SMG6: variants seen among roughly 807,000 people sequenced by gnomAD.
SMG6 encodes SMG6 nonsense mediated mRNA decay factor.
Under a neutral mutation model 142.2 loss-of-function variants are expected in SMG6, and 66 were observed. That is an observed-to-expected ratio of 0.46 (90% CI 0.38 to 0.57). The LOEUF (loss-of-function observed/expected upper bound fraction) is 0.57, where lower values mean the gene tolerates loss of function less well. Among genes scored for constraint, SMG6 ranks in the 20% least tolerant of loss-of-function variants. The probability of loss-of-function intolerance (pLI) is 0.00; values close to 1 mark genes in which losing one functional copy is unlikely to be tolerated. For synonymous variants in SMG6, 779 were observed against 702.4 expected (o/e 1.11, Z -1.72); for missense variants, 1,793 against 1,832.0 (o/e 0.98, Z 0.39).
At chr17:2,199,544 AAAATAAATAAAAAT>A (rs2072445951) in intron 10 of SMG6, among the ~76,000 whole-genome samples, 1 of 150,996 alleles carries the variant, frequency 6.6e-6, no homozygotes, top group Non-Finnish European at 1.5e-5. Context: ...CTGTCTCAAA[AAAATAAATAAAAAT>A]AAATAAATAA....
At chr17:2,295,380 C>T (rs1023765937) in intron 4 of SMG6, among the ~76,000 whole-genome samples, 5 of 152,138 alleles carry the variant, frequency 3.3e-5, no homozygotes, top group Admixed American at 3.3e-4. Flanking sequence ...AACAAAAAAC[C>T]TTCTCTTAGA....
At chr17:2,135,081 T>C (rs2151557350) in intron 13 of SMG6, among the ~76,000 whole-genome samples, 1 of 152,292 alleles carries the variant, frequency 6.6e-6, no homozygotes, top group African/African-American at 2.4e-5. Flanking sequence ...AGTTTTGCCA[T>C]GTTGGCGAGG....
intron 4 of SMG6, 52 bp from the exon 5 acceptor site, chr17:2,293,029 C>T: frequency 7.9e-7 from 1 of 1,264,688 alleles, no homozygotes; most frequent in South Asian, 1.2e-5. Context: ...CTAACTTCAA[C>T]CCTCAAAGGA....
chr17:2,285,671 T>C (rs965656810), intron 6 of SMG6, among the ~76,000 whole-genome samples: 1 of 152,156 alleles, frequency 6.6e-6, no homozygotes, highest in African/African-American at 2.4e-5. Context: ...AGACCCTCTT[T>C]TCTTTTTTTT....
intron 8 of SMG6, among the ~76,000 whole-genome samples, chr17:2,253,343 C>T (rs2074091918): frequency 1.3e-5 from 2 of 152,136 alleles, no homozygotes; most frequent in South Asian, 4.2e-4. Flanking sequence ...TGGGGTTTCA[C>T]CGTGTTGACC....
At chr17:2,179,297 G>A (rs569468124) in intron 12 of SMG6, among the ~76,000 whole-genome samples, 9 of 152,298 alleles carry the variant, frequency 5.9e-5, no homozygotes, top group African/African-American at 2.2e-4. Context: ...CATATTAAGT[G>A]TCCTTGAAGG....
intron 13 of SMG6, among the ~76,000 whole-genome samples, chr17:2,120,087 C>A (rs998810057): frequency 6.6e-6 from 1 of 152,236 alleles, no homozygotes; most frequent in Non-Finnish European, 1.5e-5. Context: ...GGATTCCACG[C>A]GTGAGCCACC....
rs1482681475 is a variant in SMG6 at position 2,145,546 on chromosome 17, G to A, written c.3357+27112C>T. 4.1e-5 allele frequency among the ~76,000 whole-genome samples: 6 copies of A among 146,434 alleles called. No individual in the cohort carries two copies. In the South Asian group the frequency reaches 1.1e-3, roughly 27 times the overall value. On this transcript the variant is annotated intron_variant, in intron 13 of 18. Transcript: ENST00000263073. ...AAACCTCATGTAGGGTGGGCGCAGT[G>A]GCTCACACCTGTAATCCCAAAACTT...
intron 16 of SMG6, among the ~76,000 whole-genome samples, chr17:2,067,497 T>C (rs1310986694): frequency 1.3e-5 from 2 of 152,148 alleles, no homozygotes; most frequent in Non-Finnish European, 2.9e-5. Context: ...GAGAGACATA[T>C]GACCCGGCAA....
At chr17:2,094,751 T>G (rs528980654) in intron 13 of SMG6, 3 of 152,192 alleles carry the variant, frequency 2.0e-5, no homozygotes, top group Non-Finnish European at 4.4e-5. Context: ...AAAGTAGTGA[T>G]GAGAAGATCC....
chr17:2,159,023 C>T (rs1461964645), intron 13 of SMG6, among the ~76,000 whole-genome samples: 1 of 151,864 alleles, frequency 6.6e-6, no homozygotes, highest in Admixed American at 6.6e-5. Flanking sequence ...GAAAACACCC[C>T]AATGTTTAAA....
rs1370897283 is a variant in SMG6 at position 2,230,325 on chromosome 17, AAAAAAAAAAAAG to A, written c.2869+6155_2869+6166del. On this transcript the variant is annotated intron_variant, in intron 10 of 18. Transcript: ENST00000263073. ...CGGGGCAAAAAAAAAAAAAAAAAAAAAAAAAAAAAAAGGGAAAACCACAAACAATCAAATTGA... is the reference window on the plus strand; with the variant it reads ...CGGGGCAAAAAAAAAAAAAAAAAAAAGGAAAACCACAAACAATCAAATTGA... Among the ~76,000 whole-genome samples the A allele has an allele frequency of 8.8e-4, 104 of 118,806 alleles. 9 individuals carry two copies. The South Asian group carries it at 0.016, about 18-fold the overall frequency. The allele number at this position is 118,806 out of a possible 152,430, so 77.9% of individuals were successfully genotyped here.
At chr17:2,271,520 C>G (rs972049870) in intron 8 of SMG6, among the ~76,000 whole-genome samples, 9 of 151,794 alleles carry the variant, frequency 5.9e-5, no homozygotes, top group African/African-American at 2.2e-4. Flanking sequence ...TCGAGACCAG[C>G]CTGGCCAACA....
intron 13 of SMG6, among the ~76,000 whole-genome samples, chr17:2,107,951 A>G (rs1415419689): frequency 6.6e-6 from 1 of 152,106 alleles, no homozygotes; most frequent in Non-Finnish European, 1.5e-5. Flanking sequence ...TTAGAGTTCT[A>G]TTTCTGGGAG....
At chr17:2,103,077 G>A (rs1597387945) in intron 13 of SMG6, among the ~76,000 whole-genome samples, 1 of 152,292 alleles carries the variant, frequency 6.6e-6, no homozygotes, top group South Asian at 2.1e-4. Flanking sequence ...TGGTTATTGT[G>A]ACTAATGCTG....
chr17:2,181,524 G>A (rs1160632340), intron 12 of SMG6, among the ~76,000 whole-genome samples: 1 of 152,226 alleles, frequency 6.6e-6, no homozygotes, highest in African/African-American at 2.4e-5. Context: ...TCTCTAGCCC[G>A]GACTGGCTTC....
intron 13 of SMG6, among the ~76,000 whole-genome samples, chr17:2,095,406 G>A (rs978624292): frequency 1.3e-5 from 2 of 152,078 alleles, no homozygotes; most frequent in African/African-American, 2.4e-5. Flanking sequence ...TTTATTCTAC[G>A]CGTGGCACAA....
intron 13 of SMG6, among the ~76,000 whole-genome samples, chr17:2,172,171 C>T (rs2071523357): frequency 6.6e-6 from 1 of 152,040 alleles, no homozygotes; most frequent in South Asian, 2.1e-4. Flanking sequence ...GTGGGGAATG[C>T]TTCATATTCC....
chr17:2,302,655 T>C (rs143807880), intron 1 of SMG6, among the ~76,000 whole-genome samples: 28 of 152,318 alleles, frequency 1.8e-4, no homozygotes, highest in African/African-American at 5.8e-4. Flanking sequence ...CATTTACTGT[T>C]TGTAGGTGTA....
Sources: gnomAD v4.1 joint callset for allele counts (sites outside exome capture counted in the v4.1 genomes callset) on GRCh38, gnomAD v4.1.1 for gene constraint, MANE v1.5 for transcripts, NCBI Gene and HGNC (gene_info 2026-07-23, HGNC 2026-07-21) for gene names.